The following ULK4 variants were observed in gnomAD, a reference collection of about 807,000 sequenced individuals.
ULK4 encodes the protein inactive serine/threonine-protein kinase ULK4.
A neutral mutation model predicts 160.6 loss-of-function variants in ULK4; 133 were observed. That is an observed-to-expected ratio of 0.83 (90% CI 0.72 to 0.96). ULK4 has a LOEUF of 0.96. Among genes scored for constraint, ULK4 ranks in the 40% least tolerant of loss-of-function variants. The pLI, the probability that ULK4 is intolerant of heterozygous loss-of-function variation, is 0.00. For synonymous variants in ULK4, 534 were observed against 539.8 expected, an observed-to-expected ratio of 0.99 and a Z score of 0.15; for missense variants, 1,580 against 1,499.5, an observed-to-expected ratio of 1.05 and a Z score of -0.89.
intron 22 of ULK4, among the ~76,000 whole-genome samples, chr3:41,748,140 G>C (rs2038480474): frequency 7.1e-6 from 1 of 139,902 alleles, no homozygotes; most frequent in African/African-American, 2.9e-5. Flanking sequence ...ACCATATATA[G>C]AGACTATATA....
intron 35 of ULK4, among the ~76,000 whole-genome samples, chr3:41,370,071 G>A (rs2081331934): frequency 6.6e-6 from 1 of 152,016 alleles, no homozygotes; most frequent in South Asian, 2.1e-4. Context: ...CAACGTTAAA[G>A]GGCCCGGTAT....
chr3:41,404,455 C>CA (rs1305284764), intron 34 of ULK4, among the ~76,000 whole-genome samples: 1 of 152,076 alleles, frequency 6.6e-6, no homozygotes, highest in African/African-American at 2.4e-5. Context: ...CTTTTACTTT[C>CA]ACCTGCCTAT....
At chr3:41,896,305 A>G (rs1698152622) in intron 15 of ULK4, among the ~76,000 whole-genome samples, 1 of 151,726 alleles carries the variant, frequency 6.6e-6, no homozygotes, top group Non-Finnish European at 1.5e-5. Context: ...CCCAGGCTGG[A>G]GTGCTGTGGT....
chr3:41,789,044 T>C (rs561367274), intron 21 of ULK4, among the ~76,000 whole-genome samples: 1 of 152,198 alleles, frequency 6.6e-6, no homozygotes. Flanking sequence ...TTCTAGGTGA[T>C]GTCAATGCTG....
In ULK4 at chr3:41,712,863, C is replaced by A. The variant is rs994055381; in HGVS notation, c.2634+2374G>T. ...GCCTGATTGTGCCACTGCACTCCAGCCTGGGTGACAGAGCAAGACCCTGTC... is the reference window on the plus strand; with the variant it reads ...GCCTGATTGTGCCACTGCACTCCAGACTGGGTGACAGAGCAAGACCCTGTC... On this transcript the variant is annotated intron_variant, in intron 25 of 36. Coordinates refer to ENST00000301831, the MANE Select transcript of ULK4 (RefSeq NM_017886.4). Among the ~76,000 whole-genome samples the A allele has an allele frequency of 9.2e-5, 14 of 151,916 alleles. 1 individual carries two copies. Among genetic ancestry groups the A allele is most frequent in the Admixed American group, 3.9e-4 (6 of 15,252 alleles).
intron 22 of ULK4, among the ~76,000 whole-genome samples, chr3:41,719,052 C>T (rs2037367743): frequency 6.6e-6 from 1 of 152,196 alleles, no homozygotes; most frequent in African/African-American, 2.4e-5. Context: ...TCTCTAAAGT[C>T]ACATGACATC....
At position 41,289,807 on chromosome 3, in the gene ULK4, TTATGTATGTATGTATGTATG is replaced by T. The variant is rs34876578; in HGVS notation, c.3679-40253_3679-40234del. Among the ~76,000 whole-genome samples, 204 of 147,886 alleles carry T rather than the reference TTATGTATGTATGTATGTATG, an allele frequency of 1.4e-3. 1 individual carries two copies. In the South Asian group the frequency reaches 0.017, roughly 12 times the overall value. On this transcript the variant is annotated intron_variant, in intron 35 of 36. Coordinates refer to ENST00000301831, the MANE Select transcript of ULK4 (RefSeq NM_017886.4). Reference sequence around the variant, plus strand: ...CCCTGCATCTTCTTATTAGGTCAACTTATGTATGTATGTATGTATGTATGTATGTATGTATGTATGTATGT... The same window carrying T: ...CCCTGCATCTTCTTATTAGGTCAACTTATGTATGTATGTATGTATGTATGT...
At chr3:41,341,025 GATAT>G (rs959872974) in intron 35 of ULK4, among the ~76,000 whole-genome samples, 8 of 152,148 alleles carry the variant, frequency 5.3e-5, no homozygotes, top group African/African-American at 1.7e-4. Flanking sequence ...TCCCAAGCTG[GATAT>G]AGAGCCATCT....
intron 19 of ULK4, among the ~76,000 whole-genome samples, chr3:41,815,452 T>C (rs2040935798): frequency 6.6e-6 from 1 of 151,698 alleles, no homozygotes; most frequent in African/African-American, 2.4e-5. Flanking sequence ...TTATTAACAA[T>C]GAAATATACG....
intron 2 of ULK4, among the ~76,000 whole-genome samples, chr3:41,941,460 A>T (rs1699953123): frequency 6.6e-6 from 1 of 151,912 alleles, no homozygotes; most frequent in Admixed American, 6.6e-5. Flanking sequence ...CTCTGTGAAC[A>T]ACTAGGTGGG....
intron 19 of ULK4, among the ~76,000 whole-genome samples, chr3:41,818,501 G>A (rs1294528850): frequency 6.6e-6 from 1 of 152,172 alleles, no homozygotes; most frequent in Non-Finnish European, 1.5e-5. Flanking sequence ...TGATAGCTGA[G>A]AATGACTTAA....
intron 22 of ULK4, among the ~76,000 whole-genome samples, chr3:41,733,589 G>A (rs1489390254): frequency 6.6e-6 from 1 of 151,900 alleles, no homozygotes; most frequent in African/African-American, 2.4e-5. Context: ...GAGGTAAACA[G>A]TCATCTATTT....
chr3:41,353,257 C>T (rs1380667946), intron 35 of ULK4, among the ~76,000 whole-genome samples: 2 of 152,196 alleles, frequency 1.3e-5, no homozygotes, highest in Non-Finnish European at 2.9e-5. Context: ...AAGCATTGAC[C>T]TACCTCACCA....
intron 35 of ULK4, among the ~76,000 whole-genome samples, chr3:41,378,117 T>C (rs199536339): frequency 0.043 from 6,417 of 149,360 alleles, 331 homozygotes; most frequent in East Asian, 0.2. Flanking sequence ...AGTAAACTAT[T>C]GCAAGAACAA....
chr3:41,661,564 C>T (rs755285820), intron 30 of ULK4, among the ~76,000 whole-genome samples: 2 of 151,964 alleles, frequency 1.3e-5, no homozygotes, highest in East Asian at 1.9e-4. Context: ...AATAGACAGA[C>T]AGACAGAATT....
In ULK4 at chr3:41,800,192, G is replaced by A; in HGVS notation, c.1950C>T (p.Pro650=). The A allele has an allele frequency of 6.2e-7, 1 of 1,613,780 alleles. No individual in the cohort carries two copies. The highest frequency in any genetic ancestry group is 8.5e-7 in the Non-Finnish European group (1 of 1,179,872). ...AGTGTCTGAATAGGTACCACAAAAT[G>A]GGTCCTATTTCTCCTGTAATAAAGC... ...SQGFITGEIG[P]ILWYLFRHST... is the part of the protein sequence containing the mutation. The change falls in exon 20 of 37, where the codon CCC becomes CCT. Residue 650 remains proline (P), a synonymous_variant. Transcript: ENST00000301831.
intron 32 of ULK4, among the ~76,000 whole-genome samples, chr3:41,542,391 C>T (rs999289563): frequency 6.6e-6 from 1 of 151,990 alleles, no homozygotes; most frequent in African/African-American, 2.4e-5. Flanking sequence ...TAATCGTGTT[C>T]GATAAGCTTT....
intron 35 of ULK4, among the ~76,000 whole-genome samples, chr3:41,286,582 G>T (rs1237903798): frequency 6.6e-6 from 1 of 152,158 alleles, no homozygotes; most frequent in African/African-American, 2.4e-5. Flanking sequence ...AGAAAGAAGA[G>T]CTTCTCCAGG....
chr3:41,856,209 G>A (rs912748547), intron 17 of ULK4, among the ~76,000 whole-genome samples: 1 of 151,796 alleles, frequency 6.6e-6, no homozygotes, highest in Non-Finnish European at 1.5e-5. Context: ...TTCAACTCTT[G>A]CTTTATCATT....
Sources: gnomAD v4.1 joint callset for allele counts (sites outside exome capture counted in the v4.1 genomes callset) on GRCh38, gnomAD v4.1.1 for gene constraint, MANE v1.5 for transcripts, NCBI Gene and HGNC (gene_info 2026-07-23, HGNC 2026-07-21) for gene names.